MFSD6: variants seen among roughly 807,000 people sequenced by gnomAD.
The protein encoded by MFSD6 is major facilitator superfamily domain-containing protein 6.
Under a neutral mutation model 56.3 loss-of-function variants are expected in MFSD6, and 26 were observed. The ratio of observed to expected loss-of-function variants is 0.46; its 90% CI spans 0.34 to 0.64. The LOEUF (loss-of-function observed/expected upper bound fraction) is 0.64. Ranked by LOEUF, MFSD6 falls within the 30% of genes least tolerant of loss-of-function variation. MFSD6 has a pLI of 0.01. For missense variants in MFSD6, 750 were observed against 986.2 expected, an observed-to-expected ratio of 0.76 and a Z score of 3.21; for synonymous variants, 331 against 366.9, an observed-to-expected ratio of 0.90 and a Z score of 1.12.
Position 190,436,156 on chromosome 2 carries a change from T to C in MFSD6, c.127T>C (p.Ser43Pro). The change falls in exon 3 of 8, where the codon TCC (serine) becomes CCC (proline). Residue 43 changes from serine to proline, a missense_variant. Physicochemically the swap from Ser to Pro is moderately conservative, Grantham distance 74 (BLOSUM62 -1). Around this residue, in one of 5 missense-constraint regions of MFSD6, gnomAD observed 76 missense variants for 101.9 expected, o/e 0.75. Transcript: ENST00000392328. The surrounding 1 kb of genome is among the most constrained non-coding windows in gnomAD (Gnocchi z 5.3). ...ACCACCTTCGAATGAAACACCTTCC[T>C]CCACAGAAACATCTGCTATTCCTGA... ...PEPPSNETPS[S>P]TETSAIPEEE... is the part of the protein sequence containing the mutation. The C allele has an allele frequency of 6.2e-7, 1 of 1,614,200 alleles. No homozygotes were observed.
At position 190,458,392 on chromosome 2, in the gene MFSD6, G is replaced by A. The variant is rs565687871; in HGVS notation, c.1533-11366G>A. ...GGGAAGATAGGCGATGACACAGGGA[G>A]AGGATGACTTGTCTGCAAGCCAACG... is the stretch of plus-strand genomic sequence containing the variant. On this transcript the variant is annotated intron_variant, in intron 3 of 7. Coordinates refer to ENST00000392328, the MANE Select transcript of MFSD6 (RefSeq NM_017694.4). This position sits in a 1 kb window ranked among gnomAD's most constrained non-coding sequence, Gnocchi z 5.3. Among the ~76,000 whole-genome samples the A allele has an allele frequency of 6.6e-6, 1 of 152,312 alleles. No homozygotes were observed. The highest frequency in any genetic ancestry group is 2.1e-4 in the South Asian group (1 of 4,818).
At chr2:190,474,801 G>C (rs2125169180) in intron 4 of MFSD6, among the ~76,000 whole-genome samples, 2 of 152,292 alleles carry the variant, frequency 1.3e-5, no homozygotes, top group South Asian at 4.1e-4. Flanking sequence ...GATGAAGATA[G>C]ATGCAAAAAT....
rs377459983 is a variant in MFSD6 at position 190,432,840 on chromosome 2, ACT to A, written c.-53-3120_-53-3119del. 1.4e-3 allele frequency among the ~76,000 whole-genome samples: 197 copies of A among 136,684 alleles called. 1 individual carries two copies. The highest frequency in any genetic ancestry group is 0.012 in the East Asian group (56 of 4,622). The allele number at this position is 136,684 out of a possible 152,430, so 89.7% of individuals were successfully genotyped here. On this transcript the variant is annotated intron_variant, in intron 2 of 7. Transcript: ENST00000392328. Reference sequence around the variant, plus strand: ...CACCCCCGCCCCCCAACACACACACACTCTCTCTCTCTCTCTCTTTCACTCAC... The same window carrying A: ...CACCCCCGCCCCCCAACACACACACACTCTCTCTCTCTCTCTTTCACTCAC...
rs57170332 is a variant in MFSD6, at chr2:190,466,004, G to A, written c.1533-3754G>A. 3.3e-3 allele frequency among the ~76,000 whole-genome samples: 502 copies of A among 152,214 alleles called. 7 individuals are homozygous for A. The highest frequency in any genetic ancestry group is 0.011 in the African/African-American group (466 of 41,528). ...GGAAGTTTATTTCTTCACAGTTCTG[G>A]AGGCAAAAAGTCCGAGATCAATTGT... is the stretch of plus-strand genomic sequence containing the variant. On this transcript the variant is annotated intron_variant, in intron 3 of 7. Transcript: ENST00000392328.
rs1234105070 is a variant in MFSD6 at position 190,496,664 on chromosome 2, GTGTA to G, written c.1892-771_1892-768del. Among the ~76,000 whole-genome samples, 2 of 151,460 alleles carry G rather than the reference GTGTA, an allele frequency of 1.3e-5. No individual in the cohort carries two copies. Among genetic ancestry groups the G allele is most frequent in the African/African-American group, 2.4e-5 (1 of 40,876 alleles). On this transcript the variant is annotated intron_variant, in intron 6 of 7. Coordinates refer to ENST00000392328, the MANE Select transcript of MFSD6 (RefSeq NM_017694.4). This position sits in a 1 kb window ranked among gnomAD's most constrained non-coding sequence, Gnocchi z 4.7. ...TATATATGTATATGTGTATATGTGT[GTGTA>G]TGTGTGTGTGTATATACACACACAC...
rs79046885 is a variant in MFSD6 at position 190,413,780 on chromosome 2, T to A, written c.-175-1512T>A. On this transcript the variant is annotated intron_variant, in intron 1 of 7. Coordinates refer to ENST00000392328, the MANE Select transcript of MFSD6 (RefSeq NM_017694.4). The surrounding 1 kb of genome is among the most constrained non-coding windows in gnomAD (Gnocchi z 4.1). ...GGTGCACTCCACTCTGCACGGGGCC[T>A]GCTCTCTCTGAGCTCCAATAAACCA... Among the ~76,000 whole-genome samples the A allele has an allele frequency of 6.2e-4, 94 of 152,298 alleles. No individual in the cohort carries two copies. Among genetic ancestry groups the A allele is most frequent in the African/African-American group, 2.1e-3 (89 of 41,564 alleles).
rs758157798 is a variant in MFSD6, at chr2:190,469,804, A to G, written c.1579A>G (p.Ile527Val). The change falls in exon 4 of 8, where the codon ATT becomes GTT. Residue 527 changes from isoleucine (I) to valine (V), a missense_variant. Transcript: ENST00000392328. The surrounding 1 kb of genome is among the most constrained non-coding windows in gnomAD (Gnocchi z 5.3). Reference protein sequence around the residue: ...LACNTARYIYISYLENAWTVL... With the variant: ...LACNTARYIYVSYLENAWTVL... ...CTGCAATACGGCTCGCTATATTTAT[A>G]TTTCCTACCTGGAGAATGCCTGGAC... 2 of 1,608,504 alleles carry G rather than the reference A, an allele frequency of 1.2e-6. No homozygotes were observed. The highest frequency in any genetic ancestry group is 1.7e-6 in the Non-Finnish European group (2 of 1,177,922).
At chr2:190,468,976 C>G (rs1345672047) in intron 3 of MFSD6, among the ~76,000 whole-genome samples, 2 of 152,072 alleles carry the variant, frequency 1.3e-5, no homozygotes, top group African/African-American at 4.8e-5. Flanking sequence ...GCTTCCAAAC[C>G]AGCCCATCCA....
rs550747909 is a variant in MFSD6 at position 190,500,643 on chromosome 2, T to C, written c.*425T>C. 1.2e-5 allele frequency: 2 copies of C among 160,708 alleles called. No homozygotes were observed. Among genetic ancestry groups the C allele is most frequent in the East Asian group, 1.8e-4 (1 of 5,676 alleles). The allele number at this position is 160,708 out of a possible 1,614,324, so 10.0% of individuals were successfully genotyped here. On this transcript the variant is annotated 3_prime_UTR_variant, in exon 8 of 8. Transcript: ENST00000392328. The surrounding 1 kb of genome is among the most constrained non-coding windows in gnomAD (Gnocchi z 5.3). ...GTTCCTAACACAAACTGGGAAGAGA[T>C]AGAATTCATCTATACTTTCTTTTTT...
intron 3 of MFSD6, among the ~76,000 whole-genome samples, chr2:190,446,838 C>T (rs915955529): frequency 5.9e-5 from 9 of 152,188 alleles, no homozygotes; most frequent in African/African-American, 1.9e-4. Flanking sequence ...ATGTCAACCT[C>T]CTTCAGAGCC....
rs1176813666 is a variant in MFSD6, at chr2:190,434,461, G to T, written c.-53-1516G>T. Among the ~76,000 whole-genome samples the T allele has an allele frequency of 1.3e-5, 2 of 152,012 alleles. No homozygotes were observed. The highest frequency in any genetic ancestry group is 6.6e-5 in the Admixed American group (1 of 15,266). On this transcript the variant is annotated intron_variant, in intron 2 of 7. Transcript: ENST00000392328. This position sits in a 1 kb window ranked among gnomAD's most constrained non-coding sequence, Gnocchi z 4.3. ...TTTATTTATTTATTTTTTTGAGACG[G>T]AGTCTCGCTCTGTTGCCAGGCTGGA...
rs1215365318 is a variant in MFSD6 at position 190,465,455 on chromosome 2, C to T, written c.1533-4303C>T. Among the ~76,000 whole-genome samples, 1 of 151,888 alleles carries T rather than the reference C, an allele frequency of 6.6e-6. No individual in the cohort carries two copies. Among genetic ancestry groups the T allele is most frequent in the Non-Finnish European group, 1.5e-5 (1 of 67,980 alleles). Reference sequence around the variant, plus strand: ...TTTTTCAGTGTCTTGTATTTCCAGACATCAGTGCCCATAAGATTACTGATT... The same window carrying T: ...TTTTTCAGTGTCTTGTATTTCCAGATATCAGTGCCCATAAGATTACTGATT... On this transcript the variant is annotated intron_variant, in intron 3 of 7. Transcript: ENST00000392328. The surrounding 1 kb of genome is among the most constrained non-coding windows in gnomAD (Gnocchi z 4.6).
At chr2:190,414,481 A>G (rs1690695019) in intron 1 of MFSD6, among the ~76,000 whole-genome samples, 2 of 152,334 alleles carry the variant, frequency 1.3e-5, no homozygotes, top group South Asian at 2.1e-4. Flanking sequence ...GAATGAGTAA[A>G]CATGACACAT....
At position 190,436,915 on chromosome 2, in the gene MFSD6, A is replaced by C. The variant is rs750141437; in HGVS notation, c.886A>C (p.Ile296Leu). The change falls in exon 3 of 8, where the codon ATA becomes CTA. Residue 296 changes from isoleucine to leucine, a missense_variant. Coordinates refer to ENST00000392328, the MANE Select transcript of MFSD6 (RefSeq NM_017694.4). This position sits in a 1 kb window ranked among gnomAD's most constrained non-coding sequence, Gnocchi z 5.3. Reference sequence around the variant, plus strand: ...ATTCTTGGTGATCTTGGTAGTTGTCATAATAGGAGAATTTTTCAGTGCCTC... The same window carrying C: ...ATTCTTGGTGATCTTGGTAGTTGTCCTAATAGGAGAATTTTTCAGTGCCTC... ...AIFLVILVVV[I>L]IGEFFSASSV... The C allele has an allele frequency of 6.2e-7, 1 of 1,614,108 alleles. No individual in the cohort carries two copies. Among genetic ancestry groups the C allele is most frequent in the Non-Finnish European group, 8.5e-7 (1 of 1,180,056 alleles).
chr2:190,436,351 G>A lies in MFSD6; in HGVS notation c.322G>A (p.Gly108Ser). 6.2e-7 allele frequency: 1 copy of A among 1,614,214 alleles called. No homozygotes were observed. Among genetic ancestry groups the A allele is most frequent in the Non-Finnish European group, 8.5e-7 (1 of 1,180,040 alleles). ...MSPSQSGLLV[G>S]IRYFIEFCSA... ...TCCAAGCCAGAGTGGACTACTAGTA[G>A]GTATTCGTTACTTCATTGAATTCTG... Residue 108 changes from glycine to serine, a missense_variant, in exon 3 of 8, where the codon GGT becomes AGT. Around this residue, in one of 5 missense-constraint regions of MFSD6, gnomAD observed 376 missense variants for 437.9 expected, o/e 0.86. Transcript: ENST00000392328. The surrounding 1 kb of genome is among the most constrained non-coding windows in gnomAD (Gnocchi z 5.3).
At position 190,431,392 on chromosome 2, in the gene MFSD6, C is replaced by T. The variant is rs1685992034; in HGVS notation, c.-53-4585C>T. ...AGGTTGTAGCGAGCCGAGATCACCCCACTGCACTCCAGCCTGGGCACCATT... is the reference window on the plus strand; with the variant it reads ...AGGTTGTAGCGAGCCGAGATCACCCTACTGCACTCCAGCCTGGGCACCATT... On this transcript the variant is annotated intron_variant, in intron 2 of 7. Coordinates refer to ENST00000392328, the MANE Select transcript of MFSD6 (RefSeq NM_017694.4). The surrounding 1 kb of genome is among the most constrained non-coding windows in gnomAD (Gnocchi z 4.4). Among the ~76,000 whole-genome samples, 1 of 152,226 alleles carries T rather than the reference C, an allele frequency of 6.6e-6. No homozygotes were observed. Among genetic ancestry groups the T allele is most frequent in the Admixed American group, 6.5e-5 (1 of 15,292 alleles).
At position 190,418,391 on chromosome 2, in the gene MFSD6, C is replaced by T. The variant is rs1022012365; in HGVS notation, c.-54+2978C>T. 1.3e-5 allele frequency among the ~76,000 whole-genome samples: 2 copies of T among 152,092 alleles called. No individual in the cohort carries two copies. The highest frequency in any genetic ancestry group is 2.9e-5 in the Non-Finnish European group (2 of 68,016). On this transcript the variant is annotated intron_variant, in intron 2 of 7. Transcript: ENST00000392328. The surrounding 1 kb of genome is among the most constrained non-coding windows in gnomAD (Gnocchi z 4.1). ...AAATATGTTGTCAAGATGGGGCAAC[C>T]AAGGTTGTGAATCAGCTTGCTTATG...
intron 1 of MFSD6, among the ~76,000 whole-genome samples, chr2:190,414,869 T>C (rs1690710284): frequency 6.6e-6 from 1 of 152,226 alleles, no homozygotes; most frequent in African/African-American, 2.4e-5. Context: ...TTTTCTAAAA[T>C]ACATTTTATT....
chr2:190,430,855 C>T (rs866162688), intron 2 of MFSD6, among the ~76,000 whole-genome samples: 1,574 of 150,294 alleles, frequency 0.01, 39 homozygotes, highest in African/African-American at 0.035. Context: ...TGACCCCCCA[C>T]CTCCCTCCCG....
Sources: gnomAD v4.1 joint callset for allele counts (sites outside exome capture counted in the v4.1 genomes callset) on GRCh38, gnomAD v4.1.1 for gene constraint, gnomAD v4.1.1 regional missense constraint, Gnocchi (gnomAD v3.1) non-coding constraint, MANE v1.5 for transcripts, NCBI Gene and HGNC (gene_info 2026-07-23, HGNC 2026-07-21) for gene names.